The following CACNA2D1 variants were observed in gnomAD, a reference collection of about 807,000 sequenced individuals.
The protein encoded by CACNA2D1 is calcium voltage-gated channel auxiliary subunit alpha2delta 1.
CACNA2D1 carries 53 observed loss-of-function variants against 171.5 expected under a neutral mutation model. The ratio of observed to expected loss-of-function variants is 0.31; its 90% CI spans 0.25 to 0.39. CACNA2D1 has a LOEUF of 0.39. Among genes scored for constraint, CACNA2D1 ranks in the 10% least tolerant of loss-of-function variants. The pLI, the probability that CACNA2D1 is intolerant of heterozygous loss-of-function variation, is 1.00. For missense variants in CACNA2D1, 903 were observed against 1,299.8 expected (o/e 0.69, Z 4.69); for synonymous variants, 442 against 443.1 (o/e 1.00, Z 0.03).
At chr7:82,435,833 C>T (rs1341601117) in intron 1 of CACNA2D1, among the ~76,000 whole-genome samples, 1 of 151,996 alleles carries the variant, frequency 6.6e-6, no homozygotes, top group Non-Finnish European at 1.5e-5. Context: ...TTGCAAATGT[C>T]GATGTAATAT....
At chr7:81,951,503 TCCTCC>T (rs761551468) in intron 38 of CACNA2D1, among the ~76,000 whole-genome samples, 1 of 151,588 alleles carries the variant, frequency 6.6e-6, no homozygotes, top group East Asian at 2.0e-4. Flanking sequence ...TTACTCCCAT[TCCTCC>T]CAAGTCCCCA....
intron 3 of CACNA2D1, among the ~76,000 whole-genome samples, chr7:82,314,155 G>A (rs554588001): frequency 2.5e-4 from 38 of 152,164 alleles, no homozygotes; most frequent in Middle Eastern, 6.8e-3. Flanking sequence ...AGGATCAAAG[G>A]TTGCTAGGGT....
At chr7:82,335,746 G>GT (rs1817920040) in intron 2 of CACNA2D1, among the ~76,000 whole-genome samples, 4 of 152,140 alleles carry the variant, frequency 2.6e-5, no homozygotes, top group Admixed American at 2.6e-4. Flanking sequence ...GAGGAGCTTA[G>GT]GAGACAGTTC....
intron 2 of CACNA2D1, among the ~76,000 whole-genome samples, chr7:82,339,699 T>A (rs1818388151): frequency 6.6e-6 from 1 of 152,126 alleles, no homozygotes; most frequent in Non-Finnish European, 1.5e-5. Flanking sequence ...AAGGTTTAAG[T>A]AGAAGTAGAA....
At chr7:82,423,330 T>A (rs1196226861) in intron 1 of CACNA2D1, among the ~76,000 whole-genome samples, 1 of 152,188 alleles carries the variant, frequency 6.6e-6, no homozygotes, top group South Asian at 2.1e-4. Flanking sequence ...CAATTTTACA[T>A]ACATCTGCTT....
rs35419275 is a variant in CACNA2D1, at chr7:82,363,254, C to CTTTTTTTTTTT, written c.96-13616_96-13606dup. On this transcript the variant is annotated intron_variant, in intron 1 of 38. Coordinates refer to ENST00000356860, the MANE Select transcript of CACNA2D1 (RefSeq NM_000722.4). ...CTACCATAGTTTTATTTATTTGTCT[C>CTTTTTTTTTTT]TTTTTTTTTTTTTTTTTTTTTTTTT... 6.1e-3 allele frequency among the ~76,000 whole-genome samples: 384 copies of CTTTTTTTTTTT among 63,434 alleles called. 88 individuals are homozygous for CTTTTTTTTTTT. The highest frequency in any genetic ancestry group is 0.031 in the African/African-American group (365 of 11,948). 41.6% of individuals were successfully genotyped at this position (63,434 alleles called of 152,430 possible).
In CACNA2D1 at chr7:82,286,964, C is replaced by G. The variant is rs984416469; in HGVS notation, c.294+48171G>C. Among the ~76,000 whole-genome samples, 9 of 152,130 alleles carry G rather than the reference C, an allele frequency of 5.9e-5. No homozygotes were observed. The East Asian group carries it at 1.7e-3, about 29-fold the overall frequency. ...GGCATGAAAAAGGCAGGCAGGTGCT[C>G]TTTGCATCCTGCACCATTTAACAAG... On this transcript the variant is annotated intron_variant, in intron 3 of 38. Coordinates refer to ENST00000356860, the MANE Select transcript of CACNA2D1 (RefSeq NM_000722.4).
At chr7:82,067,481 G>A (rs1030957941) in intron 7 of CACNA2D1, among the ~76,000 whole-genome samples, 3 of 152,098 alleles carry the variant, frequency 2.0e-5, no homozygotes, top group African/African-American at 7.2e-5. Context: ...ATTAGGATAT[G>A]TCAAAAACTA....
chr7:82,422,553 C>T (rs1258244866), intron 1 of CACNA2D1, among the ~76,000 whole-genome samples: 1 of 151,890 alleles, frequency 6.6e-6, no homozygotes, highest in African/African-American at 2.4e-5. Context: ...TTTAAGTGAC[C>T]TACTGGAAAG....
At chr7:82,098,152 T>A (rs546019124) in intron 6 of CACNA2D1, among the ~76,000 whole-genome samples, 1 of 151,804 alleles carries the variant, frequency 6.6e-6, no homozygotes, top group African/African-American at 2.4e-5. Context: ...AATAAAAAAA[T>A]AAAGCAAGAA....
At position 82,162,369 on chromosome 7, in the gene CACNA2D1, G is replaced by A. The variant is rs889872331; in HGVS notation, c.354+8181C>T. On this transcript the variant is annotated intron_variant, in intron 4 of 38. Coordinates refer to ENST00000356860, the MANE Select transcript of CACNA2D1 (RefSeq NM_000722.4). ...AAAAGATAAAGTGAAAAAACTTTTT[G>A]ATTAACGAAAGAGAAGATAGCATAA... Among the ~76,000 whole-genome samples, 131 of 151,824 alleles carry A rather than the reference G, an allele frequency of 8.6e-4. 1 individual carries two copies. The highest frequency in any genetic ancestry group is 3.0e-3 in the African/African-American group (125 of 41,370).
At chr7:82,144,036 C>G (rs1792699619) in intron 4 of CACNA2D1, among the ~76,000 whole-genome samples, 1 of 152,022 alleles carries the variant, frequency 6.6e-6, no homozygotes, top group South Asian at 2.1e-4. Flanking sequence ...TTAACAAGTA[C>G]CTAAATATAT....
chr7:82,290,881 C>T (rs998294018), intron 3 of CACNA2D1, among the ~76,000 whole-genome samples: 5 of 151,610 alleles, frequency 3.3e-5, no homozygotes, highest in Non-Finnish European at 7.4e-5. Flanking sequence ...CAGACGTGAG[C>T]CCCCGCACCC....
At chr7:82,336,955 A>G (rs17156142) in intron 2 of CACNA2D1, among the ~76,000 whole-genome samples, 1 of 152,018 alleles carries the variant, frequency 6.6e-6, no homozygotes, top group East Asian at 1.9e-4. Context: ...ATTAGTTCAG[A>G]TGTGCAATCT....
At chr7:82,374,246 G>C (rs1822753873) in intron 1 of CACNA2D1, among the ~76,000 whole-genome samples, 1 of 152,080 alleles carries the variant, frequency 6.6e-6, no homozygotes, top group Non-Finnish European at 1.5e-5. Flanking sequence ...CATTTAAAAG[G>C]GAGTCATGCT....
chr7:82,237,686 C>T (rs1383062226), intron 3 of CACNA2D1, among the ~76,000 whole-genome samples: 1 of 151,866 alleles, frequency 6.6e-6, no homozygotes, highest in Non-Finnish European at 1.5e-5. Context: ...CTTGAAAGAG[C>T]TTAATTTCAA....
chr7:82,008,204 A>G (rs1204385733), intron 15 of CACNA2D1, among the ~76,000 whole-genome samples: 1 of 152,074 alleles, frequency 6.6e-6, no homozygotes, highest in Admixed American at 6.6e-5. Context: ...CCCTAAGCCA[A>G]AGACTTCATG....
At chr7:82,442,385 A>G (rs2129460180) in intron 1 of CACNA2D1, among the ~76,000 whole-genome samples, 1 of 152,344 alleles carries the variant, frequency 6.6e-6, no homozygotes, top group Non-Finnish European at 1.5e-5. Context: ...ACCTACCTTT[A>G]GAAGCTTTAA....
At chr7:82,390,171 A>G (rs754056186) in intron 1 of CACNA2D1, among the ~76,000 whole-genome samples, 1 of 152,220 alleles carries the variant, frequency 6.6e-6, no homozygotes, top group Non-Finnish European at 1.5e-5. Flanking sequence ...AATTAGCTGT[A>G]GGAATAAGAT....
Sources: allele counts gnomAD v4.1 joint callset (sites outside exome capture counted in the v4.1 genomes callset), GRCh38; gene constraint gnomAD v4.1.1; transcripts MANE v1.5; gene names NCBI Gene and HGNC (gene_info 2026-07-23, HGNC 2026-07-21).